The following THRB variants were observed in gnomAD, a reference collection of about 807,000 sequenced individuals.
THRB encodes the protein nuclear receptor subfamily 1 group A member 2.
THRB carries 12 observed loss-of-function variants against 47.8 expected under a neutral mutation model. The observed-to-expected ratio is 0.25, with a 90% CI of 0.16 to 0.41. The LOEUF is 0.41. THRB is among the 10% of genes least tolerant of loss of function. The probability of loss-of-function intolerance (pLI) is 1.00; values close to 1 mark genes in which losing one functional copy is unlikely to be tolerated. For synonymous variants in THRB, 218 were observed against 212.2 expected, an observed-to-expected ratio of 1.03 and a Z score of -0.24; for missense variants, 348 against 589.2, an observed-to-expected ratio of 0.59 and a Z score of 4.24.
chr3:24,285,658 C>T (rs145265269), intron 3 of THRB, among the ~76,000 whole-genome samples: 4 of 152,110 alleles, frequency 2.6e-5, no homozygotes, highest in African/African-American at 4.8e-5. Context: ...GGCCATTTAA[C>T]CCTAACTACC....
intron 1 of THRB, among the ~76,000 whole-genome samples, chr3:24,480,562 T>C (rs1696209363): frequency 6.6e-6 from 1 of 152,194 alleles, no homozygotes; most frequent in Non-Finnish European, 1.5e-5. Context: ...ACAAGAACTC[T>C]AATGAGTAAC....
At chr3:24,336,722 C>CCTTTTTTTTTTT (rs1167185445) in intron 2 of THRB, among the ~76,000 whole-genome samples, 4 of 135,950 alleles carry the variant, frequency 2.9e-5, no homozygotes, top group Admixed American at 7.4e-5. Context: ...AATTCTCATG[C>CCTTTTTTTTTTT]TTTTTTTTTT....
At chr3:24,243,364 G>C (rs1261809177) in intron 3 of THRB, among the ~76,000 whole-genome samples, 1 of 151,952 alleles carries the variant, frequency 6.6e-6, no homozygotes, top group East Asian at 1.9e-4. Flanking sequence ...CTCCCACAAG[G>C]ATCTGCCCCA....
At chr3:24,332,674 T>C (rs1382855283) in intron 2 of THRB, among the ~76,000 whole-genome samples, 1 of 152,166 alleles carries the variant, frequency 6.6e-6, no homozygotes, top group East Asian at 1.9e-4. Flanking sequence ...CATTGGGGTG[T>C]TTGTTATTTT....
intron 3 of THRB, among the ~76,000 whole-genome samples, chr3:24,267,558 T>A (rs1399703058): frequency 6.6e-6 from 1 of 152,190 alleles, no homozygotes. Context: ...AGAACCCTGC[T>A]AAGTCAGTTT....
At chr3:24,476,721 T>C (rs1241690649) in intron 1 of THRB, among the ~76,000 whole-genome samples, 3 of 152,198 alleles carry the variant, frequency 2.0e-5, no homozygotes, top group African/African-American at 7.2e-5. Flanking sequence ...TGAATTAAGA[T>C]GAGTGTTTCA....
intron 1 of THRB, among the ~76,000 whole-genome samples, chr3:24,338,694 G>T (rs1397957319): frequency 6.6e-6 from 1 of 152,204 alleles, no homozygotes; most frequent in Non-Finnish European, 1.5e-5. Context: ...TGAAGAAGCT[G>T]CCCTGTCTTG....
At chr3:24,281,751 A>G (rs2054634208) in intron 3 of THRB, among the ~76,000 whole-genome samples, 1 of 143,822 alleles carries the variant, frequency 7.0e-6, no homozygotes, top group Non-Finnish European at 1.5e-5. Flanking sequence ...TCTACCAAGC[A>G]AATGGAAAAC....
At chr3:24,451,897 C>T (rs942863434) in intron 1 of THRB, among the ~76,000 whole-genome samples, 4 of 152,238 alleles carry the variant, frequency 2.6e-5, no homozygotes, top group African/African-American at 9.6e-5. Flanking sequence ...ACTAGGGAAC[C>T]TTGCTTCAAC....
intron 1 of THRB, among the ~76,000 whole-genome samples, chr3:24,365,291 G>A (rs560503264): frequency 2.6e-5 from 4 of 152,066 alleles, no homozygotes; most frequent in African/African-American, 9.7e-5. Context: ...ACAGGCAGAG[G>A]GCAGAACAGG....
upstream of THRB, chr3:24,495,649 G>C (rs1698903776): frequency 6.6e-6 from 1 of 152,302 alleles, no homozygotes; most frequent in African/African-American, 2.4e-5. Flanking sequence ...TGGGGAACGA[G>C]TGACACCGGG....
chr3:24,252,072 A>G (rs914187219), intron 3 of THRB, among the ~76,000 whole-genome samples: 3 of 152,132 alleles, frequency 2.0e-5, no homozygotes, highest in African/African-American at 7.2e-5. Flanking sequence ...TCTCCTTGAA[A>G]GACGCTAAAA....
At chr3:24,469,308 G>A (rs551870117) in intron 1 of THRB, among the ~76,000 whole-genome samples, 3 of 152,204 alleles carry the variant, frequency 2.0e-5, no homozygotes, top group East Asian at 3.9e-4. Context: ...AGCTCAATAC[G>A]TTCATGAGTT....
At chr3:24,379,401 C>T (rs923617403) in intron 1 of THRB, among the ~76,000 whole-genome samples, 3 of 152,044 alleles carry the variant, frequency 2.0e-5, no homozygotes, top group Admixed American at 6.6e-5. Context: ...AATCTTGAGA[C>T]GAACATTGTC....
chr3:24,382,116 T>C (rs2065757687), intron 1 of THRB, among the ~76,000 whole-genome samples: 2 of 151,844 alleles, frequency 1.3e-5, no homozygotes, highest in Admixed American at 6.6e-5. Flanking sequence ...AGAATGAATG[T>C]GATGAAAGAA....
chr3:24,452,665 G>C (rs952999260), intron 1 of THRB, among the ~76,000 whole-genome samples: 1 of 151,868 alleles, frequency 6.6e-6, no homozygotes, highest in Non-Finnish European at 1.5e-5. Flanking sequence ...AGAAACGTGG[G>C]GGCTGTCCAT....
At chr3:24,239,612 T>C (rs1192961354) in intron 3 of THRB, among the ~76,000 whole-genome samples, 1 of 152,046 alleles carries the variant, frequency 6.6e-6, no homozygotes, top group Non-Finnish European at 1.5e-5. Flanking sequence ...ACAGGAGCCT[T>C]GGTTAAGGGT....
At chr3:24,473,281 T>C (rs958183514) in intron 1 of THRB, among the ~76,000 whole-genome samples, 2 of 152,108 alleles carry the variant, frequency 1.3e-5, no homozygotes, top group African/African-American at 2.4e-5. Context: ...TTATTCGTAG[T>C]CTCAGGACTC....
chr3:24,260,977 G>T (rs977759008), intron 3 of THRB, among the ~76,000 whole-genome samples: 1 of 152,176 alleles, frequency 6.6e-6, no homozygotes, highest in Non-Finnish European at 1.5e-5. Context: ...CCTGGGAAGG[G>T]CCTGAAAATT....
Sources: allele counts gnomAD v4.1 joint callset (sites outside exome capture counted in the v4.1 genomes callset), GRCh38; gene constraint gnomAD v4.1.1; transcripts MANE v1.5; gene names NCBI Gene and HGNC (gene_info 2026-07-23, HGNC 2026-07-21).